DSCAM: variants seen among roughly 807,000 people sequenced by gnomAD.
The protein encoded by DSCAM is DS cell adhesion molecule, also known as cell adhesion molecule DSCAM.
In DSCAM, 47 loss-of-function variants were observed where a neutral mutation model predicts 217.7. The ratio of observed to expected loss-of-function variants is 0.22; its 90% CI spans 0.17 to 0.28. The LOEUF (loss-of-function observed/expected upper bound fraction) is 0.28, where lower values mean the gene tolerates loss of function less well. Among genes scored for constraint, DSCAM ranks in the 10% least tolerant of loss-of-function variants. The probability of loss-of-function intolerance (pLI) is 1.00; values close to 1 mark genes in which losing one functional copy is unlikely to be tolerated. For synonymous variants in DSCAM, 1,056 were observed against 1,015.3 expected (o/e 1.04, Z -0.76); for missense variants, 2,080 against 2,618.3 (o/e 0.79, Z 4.49).
chr21:40,677,061 G>T (rs565710527), intron 3 of DSCAM, among the ~76,000 whole-genome samples: 1 of 151,930 alleles, frequency 6.6e-6, no homozygotes, highest in Non-Finnish European at 1.5e-5. Context: ...CTAATTAGCC[G>T]GGGGGGAATC....
At chr21:40,123,169 TGGGGA>T (rs893666938) in intron 20 of DSCAM, among the ~76,000 whole-genome samples, 109 of 152,208 alleles carry the variant, frequency 7.2e-4, no homozygotes, top group African/African-American at 2.5e-3. Context: ...TCGTGTTTAA[TGGGGA>T]CAGAGTTTCG....
rs369035219 is a variant in DSCAM, at chr21:40,416,981, C to T, written c.509-47736G>A. On this transcript the variant is annotated intron_variant, in intron 3 of 32. Coordinates refer to ENST00000400454, the MANE Select transcript of DSCAM (RefSeq NM_001389.5). ...AGGTGAAAATCAAGGGACTCTGGAA[C>T]GTGCAATGCTCCTTCAAATTTTGTC... Among the ~76,000 whole-genome samples the T allele has an allele frequency of 3.9e-5, 6 of 152,122 alleles. No individual in the cohort carries two copies. In the East Asian group the frequency reaches 5.8e-4, roughly 15 times the overall value.
intron 3 of DSCAM, among the ~76,000 whole-genome samples, chr21:40,644,670 C>CG (rs1354713947): frequency 6.6e-6 from 1 of 152,184 alleles, no homozygotes; most frequent in Admixed American, 6.5e-5. Flanking sequence ...ACATTGCATT[C>CG]GGGGCTCTTG....
At position 40,774,455 on chromosome 21, in the gene DSCAM, T is replaced by C. The variant is rs570169405; in HGVS notation, c.44-65684A>G. Among the ~76,000 whole-genome samples the C allele has an allele frequency of 2.8e-4, 42 of 152,350 alleles. 1 individual carries two copies. The South Asian group carries it at 8.5e-3, about 31-fold the overall frequency. Reference sequence around the variant, plus strand: ...GGCTCCACTTTCGGAAAGGTACACATGAGTGACAGTTCCTTTCCTTCTTTG... The same window carrying C: ...GGCTCCACTTTCGGAAAGGTACACACGAGTGACAGTTCCTTTCCTTCTTTG... On this transcript the variant is annotated intron_variant, in intron 1 of 32. Transcript: ENST00000400454.
At chr21:40,523,182 G>T (rs1297536963) in intron 3 of DSCAM, among the ~76,000 whole-genome samples, 2 of 152,122 alleles carry the variant, frequency 1.3e-5, no homozygotes, top group Non-Finnish European at 2.9e-5. Context: ...GGAAGTGTTG[G>T]GTAGAGGAGG....
intron 3 of DSCAM, among the ~76,000 whole-genome samples, chr21:40,681,325 C>T (rs2090397986): frequency 6.6e-6 from 1 of 152,200 alleles, no homozygotes; most frequent in South Asian, 2.1e-4. Flanking sequence ...CTGACACAGA[C>T]CAGGCTACTT....
intron 1 of DSCAM, among the ~76,000 whole-genome samples, chr21:40,841,029 G>A (rs9977951): frequency 0.083 from 12,611 of 152,250 alleles, 561 homozygotes; most frequent in East Asian, 0.13. Flanking sequence ...CTCCTGTCTA[G>A]CTAGTGAGAG....
chr21:40,697,519 A>G (rs1229584066), intron 2 of DSCAM, among the ~76,000 whole-genome samples: 2 of 152,170 alleles, frequency 1.3e-5, no homozygotes, highest in Non-Finnish European at 2.9e-5. Context: ...TACACAGTTA[A>G]AGACAGGGAT....
chr21:40,068,032 C>A (rs183743939), intron 27 of DSCAM, among the ~76,000 whole-genome samples: 3 of 152,028 alleles, frequency 2.0e-5, no homozygotes, highest in Non-Finnish European at 4.4e-5. Flanking sequence ...TTTCTAAAGC[C>A]GCTTGCTACT....
chr21:40,205,968 C>T (rs2837500), intron 11 of DSCAM, among the ~76,000 whole-genome samples: 77,159 of 151,844 alleles, frequency 0.51, 20,010 homozygotes, highest in African/African-American at 0.63. Context: ...CTTTTATATT[C>T]GACATGGAAC....
chr21:40,555,726 G>C (rs1314501184), intron 3 of DSCAM, among the ~76,000 whole-genome samples: 1 of 152,080 alleles, frequency 6.6e-6, no homozygotes, highest in East Asian at 1.9e-4. Flanking sequence ...TCAAATTTCT[G>C]CTCCCAAGTG....
chr21:40,301,248 T>G (rs1249663658), intron 9 of DSCAM, among the ~76,000 whole-genome samples: 1 of 152,224 alleles, frequency 6.6e-6, no homozygotes, highest in Non-Finnish European at 1.5e-5. Flanking sequence ...AATTGGATGA[T>G]GTGACTTCCT....
intron 8 of DSCAM, among the ~76,000 whole-genome samples, chr21:40,320,881 C>A (rs931276441): frequency 2.0e-5 from 3 of 152,122 alleles, no homozygotes; most frequent in Non-Finnish European, 4.4e-5. Flanking sequence ...GGAGACACAG[C>A]CAAACCCTAT....
intron 1 of DSCAM, among the ~76,000 whole-genome samples, chr21:40,846,261 T>G (rs890430108): frequency 2.0e-5 from 3 of 152,116 alleles, no homozygotes; most frequent in African/African-American, 7.2e-5. Flanking sequence ...CACATCCCTT[T>G]CCAGGTTGTA....
At chr21:40,670,726 C>T (rs2090263788) in intron 3 of DSCAM, among the ~76,000 whole-genome samples, 1 of 152,148 alleles carries the variant, frequency 6.6e-6, no homozygotes. Context: ...TTGCATTACT[C>T]ATTCATTGGG....
intron 1 of DSCAM, among the ~76,000 whole-genome samples, chr21:40,734,955 A>AT (rs2091048719): frequency 6.6e-6 from 1 of 152,250 alleles, no homozygotes; most frequent in African/African-American, 2.4e-5. Flanking sequence ...AGAATCTTGG[A>AT]TTTTGACTTG....
chr21:40,593,983 C>T (rs1426927239), intron 3 of DSCAM, among the ~76,000 whole-genome samples: 2 of 152,098 alleles, frequency 1.3e-5, no homozygotes, highest in South Asian at 2.1e-4. Flanking sequence ...TTGTTGTTTT[C>T]GTTTATGCTT....
At chr21:40,743,579 A>C (rs944418617) in intron 1 of DSCAM, among the ~76,000 whole-genome samples, 2 of 152,200 alleles carry the variant, frequency 1.3e-5, no homozygotes, top group Non-Finnish European at 2.9e-5. Flanking sequence ...GGATCTGCTT[A>C]TACTAGAAGA....
intron 15 of DSCAM, among the ~76,000 whole-genome samples, chr21:40,178,071 C>CT (rs2090752258): frequency 6.6e-6 from 1 of 152,198 alleles, no homozygotes; most frequent in Non-Finnish European, 1.5e-5. Flanking sequence ...GCCAGGCATG[C>CT]AATCCTTGTG....
Sources: gnomAD v4.1 joint callset for allele counts (sites outside exome capture counted in the v4.1 genomes callset) on GRCh38, gnomAD v4.1.1 for gene constraint, MANE v1.5 for transcripts, NCBI Gene and HGNC (gene_info 2026-07-23, HGNC 2026-07-21) for gene names.